Variants in SLC15A2 observed in about 807,000 individuals in gnomAD.
SLC15A2 encodes the protein kidney H(+)/peptide cotransporter.
A neutral mutation model predicts 95.5 loss-of-function variants in SLC15A2; 77 were observed. That is an observed-to-expected ratio of 0.81 (90% CI 0.67 to 0.97). The LOEUF is 0.97. SLC15A2 is among the 50% of genes least tolerant of loss of function. The pLI is 0.00. For synonymous variants in SLC15A2, 306 were observed against 306.9 expected, an observed-to-expected ratio of 1.00 and a Z score of 0.03; for missense variants, 893 against 874.4, an observed-to-expected ratio of 1.02 and a Z score of -0.27.
intron 21 of SLC15A2, 36 bp downstream of exon 21, chr3:121,940,524 C>A: frequency 6.6e-7 from 1 of 1,522,400 alleles, no homozygotes. Context: ...CATTTCTACT[C>A]AAGTTTTTCC....
At chr3:121,938,049 T>TG (rs1010104649) in intron 19 of SLC15A2, among the ~76,000 whole-genome samples, 16 of 151,752 alleles carry the variant, frequency 1.1e-4, no homozygotes, top group Admixed American at 8.5e-4. Context: ...CTGCCCCTGC[T>TG]GGGGGGTGCC....
intron 3 of SLC15A2, among the ~76,000 whole-genome samples, chr3:121,908,095 C>G (rs909448714): frequency 2.0e-5 from 3 of 152,240 alleles, no homozygotes; most frequent in African/African-American, 7.2e-5. Flanking sequence ...ATGGCAGATG[C>G]CCCTCCCCCT....
intron 4 of SLC15A2, 64 bp downstream of exon 4, chr3:121,911,730 G>A (rs2107583290): frequency 9.0e-7 from 1 of 1,108,894 alleles, no homozygotes; most frequent in Non-Finnish European, 1.4e-6. Flanking sequence ...ATTATTTTCT[G>A]TTTTCTTACC....
intron 15 of SLC15A2, 48 bp downstream of exon 15, chr3:121,928,603 T>C (rs1021351665): frequency 5.7e-6 from 9 of 1,569,206 alleles, no homozygotes; most frequent in Middle Eastern, 1.7e-4. Flanking sequence ...GCTATATTGA[T>C]CTTGATTTTT....
chr3:121,915,453 G>T (rs1186884466), intron 6 of SLC15A2, 136 bp downstream of exon 6: 5 of 796,478 alleles, frequency 6.3e-6, no homozygotes, highest in East Asian at 2.5e-5. Context: ...GTCTTGATTT[G>T]TCTGGCCCAA....
rs1183011169 is a variant in SLC15A2 at position 121,940,741 on chromosome 3, A to G, written c.2014-90A>G. On this transcript the variant is annotated intron_variant, in intron 21 of 21. Transcript: ENST00000489711. ...AAAGTCTGGTTAAACTGGTGATCCC[A>G]GGTCAGTCTGCTCCCCACTCCTCAT... 24 of 1,365,866 alleles carry G rather than the reference A, an allele frequency of 1.8e-5. No individual in the cohort carries two copies. The East Asian group carries it at 4.6e-4, about 26-fold the overall frequency. 84.6% of individuals were successfully genotyped at this position (1,365,866 alleles called of 1,614,324 possible). A position where few individuals can be genotyped will look rare whatever the true frequency, so the allele number is the denominator to read the frequency against.
At chr3:121,922,116 G>A (rs1235001689) in intron 7 of SLC15A2, 104 bp from the exon 8 acceptor site, 5 of 844,948 alleles carry the variant, frequency 5.9e-6, no homozygotes, top group South Asian at 1.6e-5. Flanking sequence ...TTGTGCAAAA[G>A]TTATTGTGGT....
intron 7 of SLC15A2, among the ~76,000 whole-genome samples, chr3:121,916,407 G>A (rs1709894891): frequency 6.6e-6 from 1 of 152,106 alleles, no homozygotes; most frequent in Admixed American, 6.5e-5. Context: ...GCCTCAGAGT[G>A]ACACCCCCTT....
rs967871051 is a variant in SLC15A2, at chr3:121,942,118, A to T, written c.*1111A>T. ...TTTTTATTCAAAAAAAGTTACATTA[A>T]TGCTCTAGGTTTGAGGTTCTAAAAT... On this transcript the variant is annotated 3_prime_UTR_variant, in exon 22 of 22. Transcript: ENST00000489711. The T allele has an allele frequency of 6.6e-6, 1 of 152,208 alleles. No homozygotes were observed. Among genetic ancestry groups the T allele is most frequent in the African/African-American group, 2.4e-5 (1 of 41,464 alleles). 9.4% of individuals were successfully genotyped at this position (152,208 alleles called of 1,614,324 possible).
intron 3 of SLC15A2, among the ~76,000 whole-genome samples, chr3:121,906,304 CTT>C (rs1208502901): frequency 6.6e-6 from 1 of 152,204 alleles, no homozygotes; most frequent in Non-Finnish European, 1.5e-5. Flanking sequence ...GGTCTTGACT[CTT>C]TATCCAATTT....
At chr3:121,909,420 G>T (rs1709717513) in intron 3 of SLC15A2, among the ~76,000 whole-genome samples, 1 of 152,160 alleles carries the variant, frequency 6.6e-6, no homozygotes, top group African/African-American at 2.4e-5. Flanking sequence ...TTCTTGATTT[G>T]TAAAATTGAA....
At position 121,897,504 on chromosome 3, in the gene SLC15A2, G is replaced by T; in HGVS notation, c.310G>T (p.Ala104Ser). 6.2e-7 allele frequency: 1 copy of T among 1,613,982 alleles called. No individual in the cohort carries two copies. The highest frequency in any genetic ancestry group is 8.5e-7 in the Non-Finnish European group (1 of 1,179,986). ...TACTCCCATCCTGGGAGCAGCCATTGCTGACTCGTGGTTGGGAAAATTCAA... is the reference window on the plus strand; with the variant it reads ...TACTCCCATCCTGGGAGCAGCCATTTCTGACTCGTGGTTGGGAAAATTCAA... The part of the protein sequence containing the change: ...YFTPILGAAI[A>S]DSWLGKFKTI... The change falls in exon 3 of 22, where the codon GCT (alanine) becomes TCT (serine). Residue 104 changes from alanine to serine, a missense_variant. By Grantham distance (99) the Ala-to-Ser change is moderately conservative. Coordinates refer to ENST00000489711, the MANE Select transcript of SLC15A2 (RefSeq NM_021082.4).
At chr3:121,909,151 C>G (rs1196967666) in intron 3 of SLC15A2, among the ~76,000 whole-genome samples, 2 of 152,014 alleles carry the variant, frequency 1.3e-5, no homozygotes, top group Non-Finnish European at 2.9e-5. Flanking sequence ...CAACCTCCAC[C>G]TCCTGGGTTA....
rs181139145 is a variant in SLC15A2, at chr3:121,902,325, C to T, written c.335+4796C>T. Reference sequence around the variant, plus strand: ...AATCACTTAGAACCACTCTCTTAAACGTGTTTATTATTTTTTTATTTTAAT... The same window carrying T: ...AATCACTTAGAACCACTCTCTTAAATGTGTTTATTATTTTTTTATTTTAAT... On this transcript the variant is annotated intron_variant, in intron 3 of 21. Coordinates refer to ENST00000489711, the MANE Select transcript of SLC15A2 (RefSeq NM_021082.4). 4.4e-4 allele frequency among the ~76,000 whole-genome samples: 67 copies of T among 151,984 alleles called. No homozygotes were observed. The South Asian group carries it at 5.0e-3, about 11-fold the overall frequency.
intron 12 of SLC15A2, 132 bp downstream of exon 12, chr3:121,924,515 GA>G: frequency 1.2e-6 from 1 of 844,814 alleles, no homozygotes; most frequent in South Asian, 1.5e-5. Context: ...GCTTCGACAT[GA>G]AAACATTCCC....
intron 21 of SLC15A2, 67 bp from the exon 22 acceptor site, chr3:121,940,764 C>T: frequency 6.6e-7 from 1 of 1,515,692 alleles, no homozygotes; most frequent in Admixed American, 1.9e-5. Context: ...CCCCACTCCT[C>T]ATCCTGTAAA....
At chr3:121,919,093 G>A (rs1451633201) in intron 7 of SLC15A2, among the ~76,000 whole-genome samples, 2 of 152,212 alleles carry the variant, frequency 1.3e-5, no homozygotes, top group African/African-American at 2.4e-5. Flanking sequence ...CCTAAGAGGT[G>A]TTATAGCTCC....
In SLC15A2 at chr3:121,927,897, C is replaced by T. The variant is rs1226863653; in HGVS notation, c.1206+58C>T. ...CAGGATCATATCTTTCTTATTTGCT[C>T]TTTTGACTTGTTCAGTCATGATTCC... is the stretch of plus-strand genomic sequence containing the variant. On this transcript the variant is annotated intron_variant, in intron 14 of 21. Transcript: ENST00000489711. 4.9e-5 allele frequency: 65 copies of T among 1,326,498 alleles called. No individual in the cohort carries two copies. The South Asian group carries it at 7.3e-4, about 15-fold the overall frequency. The allele number at this position is 1,326,498 out of a possible 1,614,324, so 82.2% of individuals were successfully genotyped here.
intron 7 of SLC15A2, among the ~76,000 whole-genome samples, chr3:121,916,386 C>A (rs534728168): frequency 6.6e-6 from 1 of 152,122 alleles, no homozygotes; most frequent in East Asian, 1.9e-4. Flanking sequence ...GAAACCTGTT[C>A]TCCACTCTGA....
Sources: gnomAD v4.1 joint callset for allele counts (sites outside exome capture counted in the v4.1 genomes callset) on GRCh38, gnomAD v4.1.1 for gene constraint, MANE v1.5 for transcripts, NCBI Gene and HGNC (gene_info 2026-07-23, HGNC 2026-07-21) for gene names.